The following VPS13D variants were observed in gnomAD, a reference collection of about 807,000 sequenced individuals.
The protein encoded by VPS13D is vacuolar protein sorting 13 homolog D.
A neutral mutation model predicts 461.9 loss-of-function variants in VPS13D; 187 were observed. The observed-to-expected ratio is 0.40, with a 90% CI of 0.36 to 0.46. The LOEUF (loss-of-function observed/expected upper bound fraction) is 0.46. VPS13D is among the 20% of genes least tolerant of loss of function. VPS13D has a pLI of 0.60. For synonymous variants in VPS13D, 1,951 were observed against 1,986.3 expected (o/e 0.98, Z 0.47); for missense variants, 4,711 against 5,364.9 (o/e 0.88, Z 3.81).
chr1:12,391,642 C>T (rs1245127768), intron 60 of VPS13D, among the ~76,000 whole-genome samples: 1 of 152,192 alleles, frequency 6.6e-6, no homozygotes, highest in Non-Finnish European at 1.5e-5. Flanking sequence ...TGGGGTTTCA[C>T]CACGTTGGCC....
At chr1:12,403,357 G>T (rs984527475) in intron 62 of VPS13D, among the ~76,000 whole-genome samples, 1 of 152,168 alleles carries the variant, frequency 6.6e-6, no homozygotes. Flanking sequence ...TTTACAGCCC[G>T]CAGCCTGATT....
At position 12,386,273 on chromosome 1, in the gene VPS13D, A is replaced by G. The variant is rs147406088; in HGVS notation, c.11573A>G (p.Asn3858Ser). The G allele has an allele frequency of 2.1e-4, 338 of 1,613,770 alleles. No individual in the cohort carries two copies. In the African/African-American group the frequency reaches 3.5e-3, roughly 17 times the overall value. ...GTCTTTGCAAGTCTTACAGGAATCA[A>G]TGTGCACTATACACAGCTGGCAACC... ...ELVFASLTGI[N>S]VHYTQLATSH... is the part of the protein sequence containing the mutation. Residue 3858 changes from asparagine (N) to serine (S), a missense_variant, in exon 60 of 70, where the codon AAT becomes AGT. This residue lies in a region of VPS13D where 4,411 missense variants were observed against 4,937.8 expected (regional missense o/e 0.89). Coordinates refer to ENST00000620676, the MANE Select transcript of VPS13D (RefSeq NM_015378.4).
At chr1:12,335,229 C>T (rs1309221563) in intron 38 of VPS13D, among the ~76,000 whole-genome samples, 1 of 152,112 alleles carries the variant, frequency 6.6e-6, no homozygotes, top group African/African-American at 2.4e-5. Context: ...ACCACGCCTA[C>T]ATAAGTTTTG....
At chr1:12,346,261 A>C (rs1036036422) in intron 43 of VPS13D, among the ~76,000 whole-genome samples, 2 of 152,192 alleles carry the variant, frequency 1.3e-5, no homozygotes, top group Admixed American at 6.5e-5. Context: ...TTGTGCCCCA[A>C]GTTTCTTACA....
chr1:12,361,250 T>C (rs1437262793), intron 50 of VPS13D, among the ~76,000 whole-genome samples: 3 of 152,084 alleles, frequency 2.0e-5, no homozygotes, highest in Admixed American at 6.5e-5. Context: ...ATTATTTCTA[T>C]GATAAATATT....
At chr1:12,412,260 C>G (rs1644739446) in intron 63 of VPS13D, among the ~76,000 whole-genome samples, 1 of 152,202 alleles carries the variant, frequency 6.6e-6, no homozygotes, top group African/African-American at 2.4e-5. Flanking sequence ...CAGTACAGTC[C>G]TGATGAAAAT....
At chr1:12,254,239 C>T (rs960941131) in intron 7 of VPS13D, among the ~76,000 whole-genome samples, 1 of 152,086 alleles carries the variant, frequency 6.6e-6, no homozygotes, top group African/African-American at 2.4e-5. Flanking sequence ...TGGGGTCTCA[C>T]TCTGTTGTCC....
At chr1:12,436,016 A>G (rs1645055867) in intron 65 of VPS13D, among the ~76,000 whole-genome samples, 1 of 152,172 alleles carries the variant, frequency 6.6e-6, no homozygotes, top group South Asian at 2.1e-4. Flanking sequence ...ACCTCATGTT[A>G]ACAGGTCTAT....
At chr1:12,382,215 C>T (rs1429230983) in intron 57 of VPS13D, among the ~76,000 whole-genome samples, 1 of 152,048 alleles carries the variant, frequency 6.6e-6, no homozygotes, top group Non-Finnish European at 1.5e-5. Context: ...GATTCTCCTG[C>T]CTCAGCCTCC....
At position 12,499,842 on chromosome 1, in the gene VPS13D, A is replaced by G. The variant is rs981486728; in HGVS notation, c.12794+2211A>G. ...GGGTCTTCGCGGTGGAGTGAACATT[A>G]CACTCATCACTCTGCAAGAAAGGAG... On this transcript the variant is annotated intron_variant, in intron 68 of 69. Transcript: ENST00000620676. 7.1e-6 allele frequency: 7 copies of G among 985,434 alleles called. No individual in the cohort carries two copies. The Admixed American group carries it at 3.7e-4, about 52-fold the overall frequency. 61.0% of individuals were successfully genotyped at this position (985,434 alleles called of 1,614,324 possible). A position where few individuals can be genotyped will look rare whatever the true frequency, so the allele number is the denominator to read the frequency against.
At position 12,308,601 on chromosome 1, in the gene VPS13D, C is replaced by G. The variant is rs753375836; in HGVS notation, c.6610C>G (p.Pro2204Ala). The G allele has an allele frequency of 5.6e-6, 9 of 1,613,726 alleles. No homozygotes were observed. The highest frequency in any genetic ancestry group is 3.3e-5 in the South Asian group (3 of 91,064). Residue 2204 changes from proline (P) to alanine (A), a missense_variant, in exon 27 of 70, where the codon CCT becomes GCT. Transcript: ENST00000620676. ...GACAGGAGGAAGCCTCTTAACCGAG[C>G]CTTGTAGGCTGAAATTGCAGGTGGA... Reference protein sequence around the residue: ...RQTGGSLLTEPCRLKLQVERN... With the variant: ...RQTGGSLLTEACRLKLQVERN...
chr1:12,369,775 A>G (rs1463607818), intron 54 of VPS13D, 73 bp downstream of exon 54: 2 of 1,433,698 alleles, frequency 1.4e-6, no homozygotes, highest in Admixed American at 4.0e-5. Context: ...AATGTTAAGC[A>G]GTTTCTTAGG....
At chr1:12,310,797 C>CCTTCCTTCCTTCCTTCCTTCCTTCCT (rs1642716909) in intron 27 of VPS13D, among the ~76,000 whole-genome samples, 7 of 114,608 alleles carry the variant, frequency 6.1e-5, no homozygotes, top group Admixed American at 3.8e-4. Flanking sequence ...CCTTCCTTCC[C>CCTTCCTTCCTTCCTTCCTTCCTTCCT]TCCCTCCCTC....
intron 40 of VPS13D, among the ~76,000 whole-genome samples, chr1:12,340,099 C>A (rs1307635327): frequency 1.3e-5 from 2 of 152,164 alleles, no homozygotes; most frequent in Non-Finnish European, 2.9e-5. Context: ...GTTTACCCTG[C>A]AGACAGCTCT....
intron 15 of VPS13D, among the ~76,000 whole-genome samples, chr1:12,268,270 T>TA (rs1553171930): frequency 2.7e-5 from 4 of 149,980 alleles, no homozygotes; most frequent in African/African-American, 9.8e-5. Context: ...TTTTTTTTTT[T>TA]AATAATTTAA....
At chr1:12,288,358 C>A (rs1642032209) in intron 22 of VPS13D, 45 bp downstream of exon 22, 4 of 1,529,006 alleles carry the variant, frequency 2.6e-6, no homozygotes, top group Admixed American at 3.3e-5. Context: ...AAAATCTGGT[C>A]AGCATTTGAA....
chr1:12,491,166 C>T (rs1385925231), intron 67 of VPS13D, among the ~76,000 whole-genome samples: 1 of 152,162 alleles, frequency 6.6e-6, no homozygotes, highest in Non-Finnish European at 1.5e-5. Context: ...AACAAAAGCC[C>T]TGGACACATA....
At chr1:12,377,767 C>G (rs545129724) in intron 55 of VPS13D, among the ~76,000 whole-genome samples, 1 of 147,734 alleles carries the variant, frequency 6.8e-6, no homozygotes, top group East Asian at 2.0e-4. Context: ...TTGTAGTGAG[C>G]CGAGATCGCA....
At chr1:12,504,976 G>C (rs1207780317) in intron 68 of VPS13D, among the ~76,000 whole-genome samples, 1 of 152,218 alleles carries the variant, frequency 6.6e-6, no homozygotes, top group African/African-American at 2.4e-5. Context: ...TGAGGTGGAA[G>C]TGCCTGTGCT....
Sources: gnomAD v4.1 joint callset for allele counts (sites outside exome capture counted in the v4.1 genomes callset) on GRCh38, gnomAD v4.1.1 for gene constraint, gnomAD v4.1.1 regional missense constraint, MANE v1.5 for transcripts, NCBI Gene and HGNC (gene_info 2026-07-23, HGNC 2026-07-21) for gene names.